CAMKMT: variants seen among roughly 807,000 people sequenced by gnomAD.
The protein encoded by CAMKMT is calmodulin-lysine N-methyltransferase.
CAMKMT carries 53 observed loss-of-function variants against 48.0 expected under a neutral mutation model. The observed-to-expected ratio is 1.10, with a 90% CI of 0.89 to 1.39. CAMKMT has a LOEUF of 1.39. Ranked by LOEUF, CAMKMT falls within the 40% of genes most tolerant of loss-of-function variation. CAMKMT has a pLI of 0.00. For missense variants in CAMKMT, 428 were observed against 402.7 expected, an observed-to-expected ratio of 1.06 and a Z score of -0.54; for synonymous variants, 165 against 152.3, an observed-to-expected ratio of 1.08 and a Z score of -0.61.
At chr2:44,370,256 A>C (rs1679023399) in intron 1 of CAMKMT, among the ~76,000 whole-genome samples, 1 of 152,246 alleles carries the variant, frequency 6.6e-6, no homozygotes, top group African/African-American at 2.4e-5. Flanking sequence ...ACTTGCATTA[A>C]TTCTTACTCA....
chr2:44,638,873 C>A (rs1673292806), intron 3 of CAMKMT, among the ~76,000 whole-genome samples: 1 of 152,200 alleles, frequency 6.6e-6, no homozygotes, highest in African/African-American at 2.4e-5. Context: ...GTTTTGCTAT[C>A]TTTGCTGGCA....
At chr2:44,460,531 C>T (rs980144499) in intron 3 of CAMKMT, among the ~76,000 whole-genome samples, 49 of 152,042 alleles carry the variant, frequency 3.2e-4, no homozygotes, top group Non-Finnish European at 5.4e-4. Context: ...CTGTTGAATT[C>T]ATATTTTTGT....
At chr2:44,673,834 A>C (rs1222343164) in intron 3 of CAMKMT, among the ~76,000 whole-genome samples, 1 of 152,208 alleles carries the variant, frequency 6.6e-6, no homozygotes, top group African/African-American at 2.4e-5. Context: ...GAATTTGGGA[A>C]AGATTAAATA....
intron 3 of CAMKMT, among the ~76,000 whole-genome samples, chr2:44,517,207 C>T (rs1239653551): frequency 1.3e-5 from 2 of 151,936 alleles, no homozygotes; most frequent in African/African-American, 4.8e-5. Flanking sequence ...GTTAAAGTGA[C>T]CAAAAATAAT....
At chr2:44,406,730 G>C (rs1682807055) in intron 3 of CAMKMT, among the ~76,000 whole-genome samples, 1 of 152,110 alleles carries the variant, frequency 6.6e-6, no homozygotes, top group Admixed American at 6.5e-5. Flanking sequence ...CCAAGTAGCT[G>C]GGACTATGGA....
intron 3 of CAMKMT, among the ~76,000 whole-genome samples, chr2:44,568,967 G>T (rs1458679505): frequency 2.0e-5 from 3 of 152,180 alleles, no homozygotes; most frequent in Non-Finnish European, 2.9e-5. Context: ...AATGGTGGTG[G>T]TTGAAATGTC....
intron 3 of CAMKMT, among the ~76,000 whole-genome samples, chr2:44,637,235 C>G (rs1440111352): frequency 6.6e-6 from 1 of 152,188 alleles, no homozygotes; most frequent in Non-Finnish European, 1.5e-5. Context: ...TAAGTCATTT[C>G]AGTAGTAATG....
chr2:44,501,796 T>C (rs1185866842), intron 3 of CAMKMT, among the ~76,000 whole-genome samples: 1 of 152,044 alleles, frequency 6.6e-6, no homozygotes, highest in African/African-American at 2.4e-5. Flanking sequence ...GAGTTTCGCT[T>C]GAGCCCAGGA....
chr2:44,708,795 G>A (rs1007109733), intron 6 of CAMKMT, among the ~76,000 whole-genome samples: 1 of 152,106 alleles, frequency 6.6e-6, no homozygotes, highest in South Asian at 2.1e-4. Flanking sequence ...AGGTATGCCA[G>A]CTCAGCCCCA....
At chr2:44,432,325 C>A (rs1437800742) in intron 3 of CAMKMT, among the ~76,000 whole-genome samples, 11 of 152,150 alleles carry the variant, frequency 7.2e-5, no homozygotes, top group African/African-American at 2.2e-4. Flanking sequence ...TCCTGTGACT[C>A]TCCTGAATCC....
At chr2:44,436,113 TCACCCAGGCTGGAGTGCAGTG>T (rs1666233063) in intron 3 of CAMKMT, among the ~76,000 whole-genome samples, 1 of 152,152 alleles carries the variant, frequency 6.6e-6, no homozygotes, top group Non-Finnish European at 1.5e-5. Context: ...TCTCCCTCTG[TCACCCAGGCTGGAGTGCAGTG>T]GCGCAATCTC....
At chr2:44,725,888 A>G (rs1208325607) in intron 7 of CAMKMT, among the ~76,000 whole-genome samples, 1 of 150,570 alleles carries the variant, frequency 6.6e-6, no homozygotes, top group Non-Finnish European at 1.5e-5. Flanking sequence ...ACATGTGCAG[A>G]TTTGTTAGAT....
At chr2:44,601,784 C>G (rs1426444319) in intron 3 of CAMKMT, among the ~76,000 whole-genome samples, 1 of 151,766 alleles carries the variant, frequency 6.6e-6, no homozygotes, top group Non-Finnish European at 1.5e-5. Context: ...AACATTTCCT[C>G]TCAATTCTCT....
intron 3 of CAMKMT, among the ~76,000 whole-genome samples, chr2:44,409,834 G>A (rs1239816368): frequency 6.6e-6 from 1 of 152,066 alleles, no homozygotes; most frequent in Non-Finnish European, 1.5e-5. Context: ...GGACTGTGTC[G>A]TTTGTTCATT....
At chr2:44,479,262 T>C (rs762189441) in intron 3 of CAMKMT, among the ~76,000 whole-genome samples, 1 of 152,164 alleles carries the variant, frequency 6.6e-6, no homozygotes, top group East Asian at 1.9e-4. Flanking sequence ...ATTTCACCCT[T>C]ATGCAGGGAG....
chr2:44,764,736 AG>A, intron 9 of CAMKMT, among the ~76,000 whole-genome samples: 1 of 152,322 alleles, frequency 6.6e-6, no homozygotes, highest in Middle Eastern at 3.4e-3. Context: ...TCTACTGTAC[AG>A]GTTGTTGAGA....
At chr2:44,401,075 G>A (rs1204856771) in intron 3 of CAMKMT, 3 of 151,616 alleles carry the variant, frequency 2.0e-5, no homozygotes, top group African/African-American at 7.3e-5. Context: ...ATTATGTGCT[G>A]TCCTGCATTT....
intron 7 of CAMKMT, among the ~76,000 whole-genome samples, chr2:44,739,239 A>G (rs343964): frequency 0.2 from 30,511 of 152,128 alleles, 3,408 homozygotes; most frequent in African/African-American, 0.31. Context: ...CCAATTAGGG[A>G]GCTATGAAAT....
intron 3 of CAMKMT, among the ~76,000 whole-genome samples, chr2:44,470,894 A>G (rs912681614): frequency 2.7e-5 from 4 of 150,162 alleles, no homozygotes; most frequent in Non-Finnish European, 5.9e-5. Flanking sequence ...TTTATCTGCT[A>G]TGTTTATCTT....
Sources: gnomAD v4.1 joint callset for allele counts (sites outside exome capture counted in the v4.1 genomes callset) on GRCh38, gnomAD v4.1.1 for gene constraint, MANE v1.5 for transcripts, NCBI Gene and HGNC (gene_info 2026-07-23, HGNC 2026-07-21) for gene names.